The following COL11A1 variants were observed in gnomAD, a reference collection of about 807,000 sequenced individuals.
COL11A1 encodes the protein collagen type XI alpha 1 chain, also known as collagen alpha-1(XI) chain.
In COL11A1, 74 loss-of-function variants were observed where a neutral mutation model predicts 265.2. The observed-to-expected ratio is 0.28, with a 90% CI of 0.23 to 0.34. The LOEUF (loss-of-function observed/expected upper bound fraction) is 0.34, where lower values mean the gene tolerates loss of function less well. Ranked by LOEUF, COL11A1 falls within the 10% of genes least tolerant of loss-of-function variation. COL11A1 has a pLI of 1.00. For missense variants in COL11A1, 2,165 were observed against 2,263.6 expected, an observed-to-expected ratio of 0.96 and a Z score of 0.88; for synonymous variants, 816 against 727.6, an observed-to-expected ratio of 1.12 and a Z score of -1.96.
intron 12 of COL11A1, among the ~76,000 whole-genome samples, chr1:103,015,045 G>A (rs1666447945): frequency 6.6e-6 from 1 of 151,602 alleles, no homozygotes; most frequent in African/African-American, 2.4e-5. Context: ...TATTTATTTT[G>A]TTCACCCATT....
chr1:102,917,292 G>T (rs1247249543), intron 49 of COL11A1, among the ~76,000 whole-genome samples: 1 of 151,830 alleles, frequency 6.6e-6, no homozygotes, highest in Non-Finnish European at 1.5e-5. Flanking sequence ...TTAAGCAGAA[G>T]AATTAAACTA....
At chr1:102,979,263 C>T in intron 32 of COL11A1, 119 bp downstream of exon 32, 1 of 1,219,640 alleles carries the variant, frequency 8.2e-7, no homozygotes, top group Non-Finnish European at 1.2e-6. Context: ...GCCTGGAACT[C>T]CGGGATTCAA....
At chr1:103,011,948 T>TTG (rs1666165855) in intron 14 of COL11A1, among the ~76,000 whole-genome samples, 1 of 152,134 alleles carries the variant, frequency 6.6e-6, no homozygotes, top group Admixed American at 6.5e-5. Context: ...TCTCTAATAG[T>TTG]TGAAGCACCT....
intron 4 of COL11A1, among the ~76,000 whole-genome samples, chr1:103,037,574 G>T (rs891394967): frequency 6.6e-6 from 1 of 151,958 alleles, no homozygotes; most frequent in Non-Finnish European, 1.5e-5. Flanking sequence ...TTATGTGTTT[G>T]GACCTTAATA....
chr1:102,956,046 T>C (rs1349282990), intron 41 of COL11A1, among the ~76,000 whole-genome samples: 1 of 152,184 alleles, frequency 6.6e-6, no homozygotes, highest in Non-Finnish European at 1.5e-5. Flanking sequence ...AATTTTGTCA[T>C]AAGTGGTAGC....
chr1:102,895,592 GTAT>G (rs971077069), intron 57 of COL11A1, among the ~76,000 whole-genome samples: 18 of 151,876 alleles, frequency 1.2e-4, no homozygotes, highest in African/African-American at 3.9e-4. Flanking sequence ...CATGGAGAAA[GTAT>G]TATTATTATA....
chr1:102,909,169 G>A (rs1367021031), intron 54 of COL11A1, among the ~76,000 whole-genome samples: 1 of 152,130 alleles, frequency 6.6e-6, no homozygotes, highest in Non-Finnish European at 1.5e-5. Flanking sequence ...TTTCCAGGAT[G>A]GGTGTGAGTG....
At chr1:103,021,214 A>G (rs1301012705) in intron 9 of COL11A1, among the ~76,000 whole-genome samples, 1 of 151,576 alleles carries the variant, frequency 6.6e-6, no homozygotes, top group Non-Finnish European at 1.5e-5. Flanking sequence ...ATTAATTTGG[A>G]GTGAATTAGA....
intron 64 of COL11A1, 127 bp downstream of exon 64, chr1:102,883,072 A>C (rs1650455508): frequency 4.1e-6 from 3 of 727,640 alleles, no homozygotes; most frequent in Non-Finnish European, 7.6e-6. Flanking sequence ...CAAATGAAGT[A>C]CTCTAATTAT....
At chr1:102,902,535 T>G (rs1653343426) in intron 54 of COL11A1, among the ~76,000 whole-genome samples, 1 of 151,976 alleles carries the variant, frequency 6.6e-6, no homozygotes, top group South Asian at 2.1e-4. Context: ...TGATTCAAAA[T>G]TTTTAGAACC....
intron 42 of COL11A1, 53 bp downstream of exon 42, chr1:102,946,796 A>T (rs1659335305): frequency 7.3e-7 from 1 of 1,366,302 alleles, no homozygotes; most frequent in Non-Finnish European, 1.0e-6. Flanking sequence ...AATAAAAAGT[A>T]ATAACGTGTA....
At chr1:102,999,506 A>T (rs1427716804) in intron 24 of COL11A1, among the ~76,000 whole-genome samples, 1 of 151,868 alleles carries the variant, frequency 6.6e-6, no homozygotes, top group African/African-American at 2.4e-5. Context: ...TGAACTCGGA[A>T]ATTAAATCAC....
At chr1:102,897,808 G>T (rs552577599) in intron 57 of COL11A1, among the ~76,000 whole-genome samples, 1 of 152,244 alleles carries the variant, frequency 6.6e-6, no homozygotes, top group African/African-American at 2.4e-5. Context: ...AGGAAAATAA[G>T]TGTAACTGCA....
At chr1:102,937,964 T>C (rs890227093) in intron 44 of COL11A1, among the ~76,000 whole-genome samples, 9 of 152,242 alleles carry the variant, frequency 5.9e-5, no homozygotes, top group Admixed American at 2.6e-4. Context: ...ACAGCATGGA[T>C]CTGGAGTATC....
intron 57 of COL11A1, among the ~76,000 whole-genome samples, chr1:102,891,162 A>C (rs1651730050): frequency 6.6e-6 from 1 of 152,106 alleles, no homozygotes; most frequent in South Asian, 2.1e-4. Context: ...TCTTGAAATC[A>C]GATGTCCTTC....
At chr1:102,953,234 G>A (rs772683441) in intron 41 of COL11A1, among the ~76,000 whole-genome samples, 6 of 152,088 alleles carry the variant, frequency 3.9e-5, no homozygotes, top group East Asian at 1.9e-4. Flanking sequence ...CTTCACAAAG[G>A]TAGAGGTTTT....
At chr1:102,928,224 A>T (rs1489068085) in intron 46 of COL11A1, among the ~76,000 whole-genome samples, 2 of 151,780 alleles carry the variant, frequency 1.3e-5, no homozygotes, top group South Asian at 4.2e-4. Flanking sequence ...AGCATTAGGT[A>T]TATCTCCCAA....
At chr1:102,913,097 A>G (rs999668683) in intron 53 of COL11A1, among the ~76,000 whole-genome samples, 40 of 152,168 alleles carry the variant, frequency 2.6e-4, no homozygotes, top group African/African-American at 9.4e-4. Context: ...ATGGCCCCAG[A>G]GACAAAATTG....
chr1:103,078,777 A>T lies in COL11A1; in HGVS notation c.369T>A (p.Gly123=), dbSNP rs1244524934. 1 of 1,613,066 alleles carries T rather than the reference A, an allele frequency of 6.2e-7. No homozygotes were observed. ...CAACCTCAACACCAATTTGCTGAAT[A>T]CCATGCTCATTATATATAGATAAAA... is the stretch of plus-strand genomic sequence containing the variant. ...SFLLSIYNEH[G]IQQIGVEVGR... The change falls in exon 3 of 67, where the codon GGT becomes GGA. Residue 123 remains glycine (G), a synonymous_variant. Transcript: ENST00000370096.
Sources: gnomAD v4.1 joint callset for allele counts (sites outside exome capture counted in the v4.1 genomes callset) on GRCh38, gnomAD v4.1.1 for gene constraint, MANE v1.5 for transcripts, NCBI Gene and HGNC (gene_info 2026-07-23, HGNC 2026-07-21) for gene names.